B3GALT1: variants seen among roughly 807,000 people sequenced by gnomAD.
B3GALT1 encodes the protein UDP-Gal:betaGlcNAc beta 1,3-galactosyltransferase, polypeptide 1.
B3GALT1 carries 10 observed loss-of-function variants against 23.2 expected under a neutral mutation model. The ratio of observed to expected loss-of-function variants is 0.43; its 90% CI spans 0.27 to 0.73. The LOEUF (loss-of-function observed/expected upper bound fraction) is 0.73. Among genes scored for constraint, B3GALT1 ranks in the 30% least tolerant of loss-of-function variants. B3GALT1 has a pLI of 0.21. For synonymous variants in B3GALT1, 156 were observed against 141.5 expected (o/e 1.10, Z -0.73); for missense variants, 299 against 405.4 (o/e 0.74, Z 2.25).
chr2:167,699,859 C>A (rs767488296), intron 3 of B3GALT1, among the ~76,000 whole-genome samples: 13 of 152,056 alleles, frequency 8.5e-5, no homozygotes, highest in Non-Finnish European at 1.5e-4. Context: ...ATTAGAGGCA[C>A]CCGCCACCAT....
intron 2 of B3GALT1, among the ~76,000 whole-genome samples, chr2:167,565,214 C>G (rs1229847467): frequency 6.6e-6 from 1 of 152,156 alleles, no homozygotes; most frequent in East Asian, 1.9e-4. Context: ...ATATCTACAA[C>G]TATCTGATCT....
At chr2:167,610,910 CAA>C (rs67057122) in intron 2 of B3GALT1, among the ~76,000 whole-genome samples, 39 of 91,966 alleles carry the variant, frequency 4.2e-4, no homozygotes, top group African/African-American at 1.3e-3. Flanking sequence ...TTTATTTGTA[CAA>C]AAAAAAAAAA....
intron 1 of B3GALT1, among the ~76,000 whole-genome samples, chr2:167,320,211 A>G (rs1696788320): frequency 6.9e-6 from 1 of 145,412 alleles, no homozygotes; most frequent in Non-Finnish European, 1.5e-5. Flanking sequence ...TTTTCCTGAG[A>G]TGGAATCTTG....
At chr2:167,382,798 C>T (rs956773080) in intron 1 of B3GALT1, among the ~76,000 whole-genome samples, 2 of 152,024 alleles carry the variant, frequency 1.3e-5, no homozygotes, top group Admixed American at 6.6e-5. Flanking sequence ...AATAAATCAC[C>T]AGGGAGAATT....
intron 2 of B3GALT1, among the ~76,000 whole-genome samples, chr2:167,493,854 A>G (rs1199602087): frequency 6.6e-6 from 1 of 152,170 alleles, no homozygotes; most frequent in Non-Finnish European, 1.5e-5. Context: ...AGAACTAAAT[A>G]TCTGATTAAT....
rs1307994412 is a variant in B3GALT1, at chr2:167,871,888, TTAC to T, written c.*1870_*1872del. The T allele has an allele frequency of 2.7e-5, 4 of 146,274 alleles. No homozygotes were observed. The highest frequency in any genetic ancestry group is 6.0e-5 in the Non-Finnish European group (4 of 66,756). The allele number at this position is 146,274 out of a possible 1,614,324, so 9.1% of individuals were successfully genotyped here. A position where few individuals can be genotyped will look rare whatever the true frequency, so the allele number is the denominator to read the frequency against. ...GAAAGAGTGTACCTTTTTTATTTAT[TTAC>T]TTTTTTTTTTTTTTTTTTTTTTTTT... On this transcript the variant is annotated 3_prime_UTR_variant, in exon 5 of 5. Transcript: ENST00000392690.
intron 4 of B3GALT1, among the ~76,000 whole-genome samples, chr2:167,849,907 A>G (rs972216137): frequency 6.6e-6 from 1 of 151,486 alleles, no homozygotes; most frequent in Non-Finnish European, 1.5e-5. Flanking sequence ...AAAAAAAAAA[A>G]GGACTTAAAC....
At chr2:167,540,446 A>C (rs1683516860) in intron 2 of B3GALT1, among the ~76,000 whole-genome samples, 1 of 152,228 alleles carries the variant, frequency 6.6e-6, no homozygotes, top group Non-Finnish European at 1.5e-5. Context: ...TATGAGAGGC[A>C]CTGCTCTAGG....
intron 1 of B3GALT1, among the ~76,000 whole-genome samples, chr2:167,464,516 T>A (rs979938779): frequency 1.3e-5 from 2 of 152,140 alleles, no homozygotes; most frequent in African/African-American, 4.8e-5. Context: ...GTGCTAATAG[T>A]GGTCAGTCGT....
At chr2:167,462,782 T>C (rs982368833) in intron 1 of B3GALT1, among the ~76,000 whole-genome samples, 12 of 152,212 alleles carry the variant, frequency 7.9e-5, no homozygotes, top group Non-Finnish European at 1.6e-4. Context: ...TAGTAATCTT[T>C]AGCTCATTAT....
intron 1 of B3GALT1, among the ~76,000 whole-genome samples, chr2:167,418,426 A>AT (rs1465379521): frequency 2.0e-5 from 3 of 151,940 alleles, no homozygotes. Flanking sequence ...AAAAAAAAAA[A>AT]GAGCTCATGT....
chr2:167,758,682 A>G (rs1168623521), intron 3 of B3GALT1, among the ~76,000 whole-genome samples: 1 of 151,036 alleles, frequency 6.6e-6, no homozygotes, highest in African/African-American at 2.4e-5. Flanking sequence ...TTCCCTATGA[A>G]TCTCTTGGCA....
chr2:167,767,817 A>T (rs540821412), intron 3 of B3GALT1, among the ~76,000 whole-genome samples: 1 of 152,270 alleles, frequency 6.6e-6, no homozygotes, highest in East Asian at 1.9e-4. Flanking sequence ...CAATATATAT[A>T]AAGAAATTTA....
At chr2:167,816,008 T>C (rs1369444532) in intron 3 of B3GALT1, among the ~76,000 whole-genome samples, 2 of 152,214 alleles carry the variant, frequency 1.3e-5, no homozygotes, top group Non-Finnish European at 2.9e-5. Context: ...TAGATGCATT[T>C]TATATTCTGG....
At chr2:167,447,948 G>A (rs1699026830) in intron 1 of B3GALT1, among the ~76,000 whole-genome samples, 1 of 152,112 alleles carries the variant, frequency 6.6e-6, no homozygotes, top group Non-Finnish European at 1.5e-5. Flanking sequence ...CTCATACTGG[G>A]AGCTGTAGAC....
chr2:167,346,379 G>C (rs1697221842), intron 1 of B3GALT1, among the ~76,000 whole-genome samples: 1 of 151,998 alleles, frequency 6.6e-6, no homozygotes, highest in Non-Finnish European at 1.5e-5. Context: ...TATCTACTCT[G>C]ATTTACTTAA....
At chr2:167,397,181 G>C (rs1698112311) in intron 1 of B3GALT1, among the ~76,000 whole-genome samples, 1 of 151,714 alleles carries the variant, frequency 6.6e-6, no homozygotes, top group Non-Finnish European at 1.5e-5. Context: ...CTCTTATTCT[G>C]CTTGAAATTC....
intron 2 of B3GALT1, among the ~76,000 whole-genome samples, chr2:167,522,278 A>G (rs1700201870): frequency 6.6e-6 from 1 of 151,998 alleles, no homozygotes; most frequent in African/African-American, 2.4e-5. Context: ...GAGAAGACAA[A>G]CTAAATATAC....
intron 1 of B3GALT1, among the ~76,000 whole-genome samples, chr2:167,347,988 T>C (rs1267679778): frequency 6.6e-6 from 1 of 152,180 alleles, no homozygotes; most frequent in Non-Finnish European, 1.5e-5. Context: ...TGACCTGTGT[T>C]ACCACCCCAT....
Sources: allele counts gnomAD v4.1 joint callset (sites outside exome capture counted in the v4.1 genomes callset), GRCh38; gene constraint gnomAD v4.1.1; transcripts MANE v1.5; gene names NCBI Gene and HGNC (gene_info 2026-07-23, HGNC 2026-07-21).